The following NLGN2 variants were observed in gnomAD, a reference collection of about 807,000 sequenced individuals.
NLGN2 encodes the protein neuroligin 2.
In NLGN2, 11 loss-of-function variants were observed where a neutral mutation model predicts 48.6. The ratio of observed to expected loss-of-function variants is 0.23; its 90% CI spans 0.14 to 0.37. The LOEUF (loss-of-function observed/expected upper bound fraction) is 0.37. NLGN2 is among the 10% of genes least tolerant of loss of function. The pLI is 1.00. For synonymous variants in NLGN2, 548 were observed against 550.0 expected (o/e 1.00, Z 0.05); for missense variants, 801 against 1,225.2 (o/e 0.65, Z 5.17).
upstream of NLGN2, chr17:7,404,947 G>C (rs1234279605): frequency 6.6e-6 from 1 of 151,844 alleles, no homozygotes; most frequent in Non-Finnish European, 1.5e-5. Flanking sequence ...GGGGCGGGCC[G>C]GCCCTGGCGC....
At position 7,408,953 on chromosome 17, in the gene NLGN2, A is replaced by G. The variant is rs116705274; in HGVS notation, c.457+241A>G. Among the ~76,000 whole-genome samples the G allele has an allele frequency of 8.6e-3, 1,311 of 152,248 alleles. 17 individuals carry two copies. The highest frequency in any genetic ancestry group is 0.03 in the African/African-American group (1,229 of 41,536). ...AAGTTCTTTACGCCCATGGGGGGCC[A>G]TGGTAGGGATGGCAGGCACTGGACT... is the stretch of plus-strand genomic sequence containing the variant. On this transcript the variant is annotated intron_variant, in intron 1 of 6. Coordinates refer to ENST00000302926, the MANE Select transcript of NLGN2 (RefSeq NM_020795.4). The surrounding 1 kb of genome is among the most constrained non-coding windows in gnomAD (Gnocchi z 7.5).
chr17:7,406,113 A>G (rs1276779268), upstream of NLGN2, among the ~76,000 whole-genome samples: 2 of 152,140 alleles, frequency 1.3e-5, no homozygotes, highest in Non-Finnish European at 2.9e-5. Flanking sequence ...AGGCATTTGG[A>G]GAGAGAGAAA....
At position 7,416,059 on chromosome 17, in the gene NLGN2, T is replaced by C; in HGVS notation, c.1586T>C (p.Met529Thr). 1.4e-6 allele frequency: 2 copies of C among 1,415,046 alleles called. No individual in the cohort carries two copies. Among genetic ancestry groups the C allele is most frequent in the Non-Finnish European group, 1.9e-6 (2 of 1,055,754 alleles). 87.7% of individuals were successfully genotyped at this position (1,415,046 alleles called of 1,614,324 possible). The change falls in exon 6 of 7, where the codon ATG becomes ACG. Residue 529 changes from methionine to threonine, a missense_variant. Met to Thr is a moderately conservative substitution (Grantham distance 81, BLOSUM62 -1). This residue lies in a region of NLGN2 where 303 missense variants were observed against 600.1 expected (regional missense o/e 0.50). Transcript: ENST00000302926. ...FPCNFSKNDV[M>T]LSAVVMTYWT... is the part of the protein sequence containing the mutation. ...TGTAACTTCTCCAAGAATGACGTCA[T>C]GCTCAGTGCCGTGGTCATGACCTAC... is the stretch of plus-strand genomic sequence containing the variant.
upstream of NLGN2, among the ~76,000 whole-genome samples, chr17:7,406,653 C>CGGGGGGGGGGGG (rs71157283): frequency 3.3e-5 from 3 of 90,162 alleles, no homozygotes; most frequent in African/African-American, 4.5e-5. Flanking sequence ...GGTGGGGGGG[C>CGGGGGGGGGGGG]GGGGGGGGGG....
intron 6 of NLGN2, 33 bp downstream of exon 6, chr17:7,416,140 G>A (rs1232508350): frequency 1.4e-6 from 2 of 1,424,460 alleles, no homozygotes; most frequent in African/African-American, 1.4e-5. Context: ...GGGGCTGGGC[G>A]GGGCCCTCCC....
At position 7,415,682 on chromosome 17, in the gene NLGN2, C is replaced by T; in HGVS notation, c.1209C>T (p.Ala403=). 5 of 1,614,250 alleles carry T rather than the reference C, an allele frequency of 3.1e-6. No homozygotes were observed. Among genetic ancestry groups the T allele is most frequent in the Non-Finnish European group, 4.2e-6 (5 of 1,180,052 alleles). ...CAGAGAGCGAGGACGGTGTGTCTGC[C>T]AGCGCCTTTGACTTCACTGTCTCCA... ...DSAESEDGVS[A]SAFDFTVSNF... Residue 403 remains alanine, a synonymous_variant, in exon 6 of 7, where the codon GCC becomes GCT. Coordinates refer to ENST00000302926, the MANE Select transcript of NLGN2 (RefSeq NM_020795.4).
At position 7,417,124 on chromosome 17, in the gene NLGN2, G is replaced by C; in HGVS notation, c.1833G>C (p.Leu611=). The C allele has an allele frequency of 1.9e-6, 3 of 1,611,574 alleles. No individual in the cohort carries two copies. The highest frequency in any genetic ancestry group is 1.7e-6 in the Non-Finnish European group (2 of 1,179,860). ...AGCTCGTGCCCCACCTGCACAACCT[G>C]CACACGGAGCTCTTCACCACCACCA... is the stretch of plus-strand genomic sequence containing the variant. ...WLELVPHLHN[L]HTELFTTTTR... is the part of the protein sequence containing the mutation. The change falls in exon 7 of 7, where the codon CTG becomes CTC. Residue 611 remains leucine, a synonymous_variant. Coordinates refer to ENST00000302926, the MANE Select transcript of NLGN2 (RefSeq NM_020795.4).
At chr17:7,407,524 A>G (rs1482798618), upstream of NLGN2, among the ~76,000 whole-genome samples, 2 of 152,160 alleles carry the variant, frequency 1.3e-5, no homozygotes, top group Non-Finnish European at 2.9e-5. Flanking sequence ...CTCAGGAGTA[A>G]TTAACACATA....
At position 7,413,819 on chromosome 17, in the gene NLGN2, G is replaced by C. The variant is rs1906990079; in HGVS notation, c.509-525G>C. ...GGCGGGGAGGAGACCAAGCCCCAGGGACCCTAGGCCTGGCACCCCTCACCC... is the reference window on the plus strand; with the variant it reads ...GGCGGGGAGGAGACCAAGCCCCAGGCACCCTAGGCCTGGCACCCCTCACCC... On this transcript the variant is annotated intron_variant, in intron 2 of 6. Coordinates refer to ENST00000302926, the MANE Select transcript of NLGN2 (RefSeq NM_020795.4). This position sits in a 1 kb window ranked among gnomAD's most constrained non-coding sequence, Gnocchi z 4.9. Among the ~76,000 whole-genome samples, 1 of 151,892 alleles carries C rather than the reference G, an allele frequency of 6.6e-6. No homozygotes were observed. The highest frequency in any genetic ancestry group is 6.5e-5 in the Admixed American group (1 of 15,276).
chr17:7,412,322 A>G lies in NLGN2; in HGVS notation c.508+115A>G, dbSNP rs1906933140. On this transcript the variant is annotated intron_variant, in intron 2 of 6. Transcript: ENST00000302926. The stretch of plus-strand genomic sequence containing the variant: ...AGGCCCCTCAGTCGTTCTCCCAACT[A>G]AAATGAAAAAGAAAAGAAAAGAAAA... 1.3e-5 allele frequency: 10 copies of G among 760,052 alleles called. No individual in the cohort carries two copies. In the East Asian group the frequency reaches 2.5e-4, roughly 19 times the overall value. The allele number at this position is 760,052 out of a possible 1,614,324, so 47.1% of individuals were successfully genotyped here.
intron 6 of NLGN2, 58 bp downstream of exon 6, chr17:7,416,165 G>T (rs79667963): frequency 2.9e-6 from 4 of 1,393,476 alleles, no homozygotes; most frequent in Admixed American, 3.4e-5. Flanking sequence ...TCACATGGCC[G>T]CCGTTCCTCT....
At chr17:7,406,597 G>GCGCCTGGCTCTGAAAACCC (rs1247887655), upstream of NLGN2, among the ~76,000 whole-genome samples, 2 of 145,488 alleles carry the variant, frequency 1.4e-5, no homozygotes, top group African/African-American at 5.0e-5. Flanking sequence ...CCGCGGGCTG[G>GCGCCTGGCTCTGAAAACCC]CGCCTGGCTC....
Position 7,408,168 on chromosome 17 carries a change from C to T in NLGN2, c.-88C>T, listed in dbSNP as rs1906721791. 9.1e-6 allele frequency: 6 copies of T among 656,868 alleles called. No homozygotes were observed. Among genetic ancestry groups the T allele is most frequent in the Non-Finnish European group, 1.1e-5 (5 of 444,256 alleles). The allele number at this position is 656,868 out of a possible 1,614,324, so 40.7% of individuals were successfully genotyped here. A position where few individuals can be genotyped will look rare whatever the true frequency, so the allele number is the denominator to read the frequency against. On this transcript the variant is annotated 5_prime_UTR_variant, in exon 1 of 7. Coordinates refer to ENST00000302926, the MANE Select transcript of NLGN2 (RefSeq NM_020795.4). The surrounding 1 kb of genome is among the most constrained non-coding windows in gnomAD (Gnocchi z 7.5). Reference sequence around the variant, plus strand: ...CCCCCGCCCCTCCTCCCTCCTGGGGCGAGGGGGGCCTCCCTCCCTCTCCCC... The same window carrying T: ...CCCCCGCCCCTCCTCCCTCCTGGGGTGAGGGGGGCCTCCCTCCCTCTCCCC...
Position 7,417,103 on chromosome 17 carries a change from C to G in NLGN2, c.1812C>G (p.Leu604=). ...RANKVAFWLE[L]VPHLHNLHTE... is the part of the protein sequence containing the mutation. ...ACAAGGTGGCCTTCTGGCTGGAGCT[C>G]GTGCCCCACCTGCACAACCTGCACA... The change falls in exon 7 of 7, where the codon CTC becomes CTG. Residue 604 remains leucine, a synonymous_variant. Coordinates refer to ENST00000302926, the MANE Select transcript of NLGN2 (RefSeq NM_020795.4). 1 of 1,613,096 alleles carries G rather than the reference C, an allele frequency of 6.2e-7. No individual in the cohort carries two copies. The highest frequency in any genetic ancestry group is 8.5e-7 in the Non-Finnish European group (1 of 1,179,968).
Position 7,408,558 on chromosome 17 carries a change from C to G in NLGN2, c.303C>G (p.Thr101=), listed in dbSNP as rs765086239. Residue 101 remains threonine, a synonymous_variant, in exon 1 of 7, where the codon ACC becomes ACG. Transcript: ENST00000302926. The surrounding 1 kb of genome is among the most constrained non-coding windows in gnomAD (Gnocchi z 7.5). ...GGCCCGGCGTGCGCAACGCCACCAC[C>G]CTGCCGCCCGCCTGCCCGCAGAACC... is the stretch of plus-strand genomic sequence containing the variant. ...ASWPGVRNAT[T]LPPACPQNLH... 6.4e-7 allele frequency: 1 copy of G among 1,551,074 alleles called. No homozygotes were observed. The highest frequency in any genetic ancestry group is 1.4e-5 in the African/African-American group (1 of 73,192).
chr17:7,408,188 C>A lies in NLGN2; in HGVS notation c.-68C>A. The A allele has an allele frequency of 1.1e-6, 1 of 884,706 alleles. No homozygotes were observed. Among genetic ancestry groups the A allele is most frequent in the Non-Finnish European group, 1.5e-6 (1 of 649,008 alleles). The allele number at this position is 884,706 out of a possible 1,614,324, so 54.8% of individuals were successfully genotyped here. A position where few individuals can be genotyped will look rare whatever the true frequency, so the allele number is the denominator to read the frequency against. ...TGGGGCGAGGGGGGCCTCCCTCCCTCTCCCCCCCTTCTCTCTCTCTCCGAG... is the reference window on the plus strand; with the variant it reads ...TGGGGCGAGGGGGGCCTCCCTCCCTATCCCCCCCTTCTCTCTCTCTCCGAG... On this transcript the variant is annotated 5_prime_UTR_variant, in exon 1 of 7. Transcript: ENST00000302926. This position sits in a 1 kb window ranked among gnomAD's most constrained non-coding sequence, Gnocchi z 7.5.
In NLGN2 at chr17:7,415,556, C is replaced by T. The variant is rs374724532; in HGVS notation, c.1083C>T (p.Pro361=). ...CCGTGGTGGATGGCGACGTGGTCCCCGATGACCCTGAGATCCTCATGCAGC... is the reference window on the plus strand; with the variant it reads ...CCGTGGTGGATGGCGACGTGGTCCCTGATGACCCTGAGATCCTCATGCAGC... ...FGPVVDGDVV[P]DDPEILMQQG... Residue 361 remains proline, a synonymous_variant, in exon 6 of 7, where the codon CCC becomes CCT. Transcript: ENST00000302926. 48 of 1,614,116 alleles carry T rather than the reference C, an allele frequency of 3.0e-5. No individual in the cohort carries two copies. The highest frequency in any genetic ancestry group is 5.5e-5 in the South Asian group (5 of 91,088).
Position 7,417,775 on chromosome 17 carries a change from C to A in NLGN2, c.2484C>A (p.His828Gln). 3 of 1,380,138 alleles carry A rather than the reference C, an allele frequency of 2.2e-6. No individual in the cohort carries two copies. Among genetic ancestry groups the A allele is most frequent in the African/African-American group, 1.5e-5 (1 of 65,580 alleles). 85.5% of individuals were successfully genotyped at this position (1,380,138 alleles called of 1,614,324 possible). Residue 828 changes from histidine to glutamine, a missense_variant, in exon 7 of 7, where the codon CAC becomes CAA. Around this residue, in one of 5 missense-constraint regions of NLGN2, gnomAD observed 276 missense variants for 313.9 expected, o/e 0.88. Coordinates refer to ENST00000302926, the MANE Select transcript of NLGN2 (RefSeq NM_020795.4). ...CCAGCCACAACAACACGCTACCCCACCCCCACTCCACCACTCGGGTATAGG... is the reference window on the plus strand; with the variant it reads ...CCAGCCACAACAACACGCTACCCCAACCCCACTCCACCACTCGGGTATAGG... Reference protein sequence around the residue: ...TATSHNNTLPHPHSTTRV With the variant: ...TATSHNNTLPQPHSTTRV
In NLGN2 at chr17:7,417,455, G is replaced by T; in HGVS notation, c.2164G>T (p.Val722Leu). The change falls in exon 7 of 7, where the codon GTG (valine) becomes TTG (leucine). Residue 722 changes from valine to leucine, a missense_variant. Physicochemically the swap from Val to Leu is conservative, Grantham distance 32. Transcript: ENST00000302926. The stretch of plus-strand genomic sequence containing the variant: ...CCCACCTGGCGGCTCAGGCTCTGGC[G>T]TGCCTGGTGGGGGCCCCCTGCTCCC... ...LSPPGGSGSGVPGGGPLLPAA... is the reference protein window; with the variant it reads ...LSPPGGSGSGLPGGGPLLPAA... The T allele has an allele frequency of 6.4e-7, 1 of 1,565,594 alleles. No homozygotes were observed. The highest frequency in any genetic ancestry group is 8.6e-7 in the Non-Finnish European group (1 of 1,159,206).
Sources: allele counts gnomAD v4.1 joint callset (sites outside exome capture counted in the v4.1 genomes callset), GRCh38; gene constraint gnomAD v4.1.1; regional missense constraint gnomAD v4.1.1; non-coding constraint Gnocchi (gnomAD v3.1); transcripts MANE v1.5; gene names NCBI Gene and HGNC (gene_info 2026-07-23, HGNC 2026-07-21).